CTSB: variants seen among roughly 807,000 people sequenced by gnomAD.
CTSB encodes APP secretase.
In CTSB, 57 loss-of-function variants were observed where a neutral mutation model predicts 44.3. The observed-to-expected ratio is 1.29, with a 90% CI of 1.04 to 1.60. The LOEUF (loss-of-function observed/expected upper bound fraction) is 1.60. Ranked by LOEUF, CTSB falls within the 40% of genes most tolerant of loss-of-function variation. The pLI, the probability that CTSB is intolerant of heterozygous loss-of-function variation, is 0.00. For missense variants in CTSB, 768 were observed against 443.0 expected (o/e 1.73, Z -6.59); for synonymous variants, 320 against 168.0 (o/e 1.91, Z -7.00).
At position 11,845,237 on chromosome 8, in the gene CTSB, TA is replaced by T; in HGVS notation, c.923-16del. 1.3e-6 allele frequency: 2 copies of T among 1,587,356 alleles called. No individual in the cohort carries two copies. Among genetic ancestry groups the T allele is most frequent in the Non-Finnish European group, 8.7e-7 (1 of 1,155,942 alleles). ...TTTAAAGAAGCCTGGGAATAAAAAG[TA>T]AGGTGCTTTTAAAGTGTGACAAGGG... On this transcript the variant is annotated splice_polypyrimidine_tract_variant and intron_variant, in intron 9 of 9. Coordinates refer to ENST00000353047, the MANE Select transcript of CTSB (RefSeq NM_001908.5).
chr8:11,853,703 A>G, intron 1 of CTSB: 1 of 484,280 alleles, frequency 2.1e-6, no homozygotes, highest in Non-Finnish European at 3.7e-6. Flanking sequence ...GAGCCCAGAG[A>G]GAGAGCCAAG....
chr8:11,847,539 G>C (rs368238910), intron 7 of CTSB, 140 bp downstream of exon 7: 7 of 910,974 alleles, frequency 7.7e-6, no homozygotes, highest in African/African-American at 3.4e-5. Context: ...CCTGGCAAGA[G>C]GGCATCACTC....
chr8:11,849,459 A>T (rs1425095833), intron 4 of CTSB: 7 of 211,740 alleles, frequency 3.3e-5, no homozygotes, highest in Non-Finnish European at 7.0e-5. Context: ...TCCTGCCTCA[A>T]CGATTTGCCC....
Position 11,846,889 on chromosome 8 carries a change from G to A in CTSB, c.793+163C>T, listed in dbSNP as rs1813468383. On this transcript the variant is annotated intron_variant, in intron 8 of 9. Coordinates refer to ENST00000353047, the MANE Select transcript of CTSB (RefSeq NM_001908.5). ...ACAAAGACAGTCAGGTGCCAGGCTG[G>A]TCCACAGAGGAGTGAGCCTATATGG... Among the ~76,000 whole-genome samples, 2 of 152,058 alleles carry A rather than the reference G, an allele frequency of 1.3e-5. 1 individual carries two copies.
chr8:11,842,935 C>A lies in CTSB; in HGVS notation c.*2190G>T, dbSNP rs1358355825. ...TACAGGCTTGAGCCACTGCGCCCGG[C>A]CTTTTTTTTTTTTTTTTTTTTTTTA... is the stretch of plus-strand genomic sequence containing the variant. On this transcript the variant is annotated 3_prime_UTR_variant, in exon 10 of 10. Coordinates refer to ENST00000353047, the MANE Select transcript of CTSB (RefSeq NM_001908.5). The A allele has an allele frequency of 1.1e-5, 1 of 87,982 alleles. No individual in the cohort carries two copies. Among genetic ancestry groups the A allele is most frequent in the African/African-American group, 5.4e-5 (1 of 18,684 alleles). 5.5% of individuals were successfully genotyped at this position (87,982 alleles called of 1,614,324 possible). A position where few individuals can be genotyped will look rare whatever the true frequency, so the allele number is the denominator to read the frequency against.
intron 1 of CTSB, among the ~76,000 whole-genome samples, chr8:11,860,610 G>A (rs1173138655): frequency 6.6e-6 from 1 of 152,092 alleles, no homozygotes; most frequent in Non-Finnish European, 1.5e-5. Context: ...GGCAACAAGA[G>A]GGAAACTCCG....
intron 4 of CTSB, among the ~76,000 whole-genome samples, chr8:11,849,740 C>G: frequency 2.0e-5 from 3 of 151,976 alleles, no homozygotes; most frequent in Non-Finnish European, 4.4e-5. Flanking sequence ...GCCACCAGGC[C>G]CAGCTAAGTT....
chr8:11,865,741 G>A (rs1381764182), intron 1 of CTSB, among the ~76,000 whole-genome samples: 1 of 151,502 alleles, frequency 6.6e-6, no homozygotes, highest in Non-Finnish European at 1.5e-5. Flanking sequence ...ACCGCGCGGT[G>A]GCTCATGCCT....
intron 3 of CTSB, 76 bp downstream of exon 3, chr8:11,852,534 C>T (rs1814776097): frequency 8.1e-7 from 1 of 1,232,756 alleles, no homozygotes; most frequent in South Asian, 1.3e-5. Flanking sequence ...GAGAGGCCTT[C>T]ACTCTCCCAC....
intron 8 of CTSB, 98 bp downstream of exon 8, chr8:11,846,954 C>G (rs1735575903): frequency 6.9e-6 from 5 of 723,946 alleles, no homozygotes; most frequent in Middle Eastern, 2.7e-4. Flanking sequence ...CCTCACCTGC[C>G]TGCCCAATCC....
At chr8:11,854,110 T>C (rs78580271) in intron 1 of CTSB, among the ~76,000 whole-genome samples, 1 of 152,320 alleles carries the variant, frequency 6.6e-6, no homozygotes, top group East Asian at 1.9e-4. Flanking sequence ...CGTTTGATCT[T>C]GCACTGGCTC....
At chr8:11,847,619 G>A in intron 7 of CTSB, 60 bp downstream of exon 7, 7 of 1,486,674 alleles carry the variant, frequency 4.7e-6, no homozygotes, top group Non-Finnish European at 6.3e-6. Flanking sequence ...GCAGCGTGAG[G>A]AGGGATGCAG....
At position 11,847,112 on chromosome 8, in the gene CTSB, T is replaced by G; in HGVS notation, c.733A>C (p.Lys245Gln). ...SEKDIMAEIY[K>Q]NGPVEGAFSV... Reference sequence around the variant, plus strand: ...AAAGCTCCCTCCACGGGGCCGTTTTTGTAGATCTCGGCCATGATGTCCTTC... The same window carrying G: ...AAAGCTCCCTCCACGGGGCCGTTTTGGTAGATCTCGGCCATGATGTCCTTC... The change falls in exon 8 of 10, where the codon AAA becomes CAA. Residue 245 changes from lysine to glutamine, a missense_variant. Coordinates refer to ENST00000353047, the MANE Select transcript of CTSB (RefSeq NM_001908.5). 1 of 1,613,990 alleles carries G rather than the reference T, an allele frequency of 6.2e-7. No homozygotes were observed. Among genetic ancestry groups the G allele is most frequent in the Non-Finnish European group, 8.5e-7 (1 of 1,179,854 alleles).
chr8:11,853,634 C>A, intron 1 of CTSB, 155 bp from the exon 2 acceptor site: 2 of 716,944 alleles, frequency 2.8e-6, no homozygotes, highest in Non-Finnish European at 4.3e-6. Context: ...ATGGGATCCC[C>A]GCCCCCCTGC....
intron 8 of CTSB, chr8:11,846,505 CAG>C (rs1813371013): frequency 6.6e-6 from 1 of 152,576 alleles, no homozygotes; most frequent in South Asian, 2.1e-4. Flanking sequence ...ATTTCTAAGA[CAG>C]GACTTGGGGA....
At chr8:11,853,749 G>A in intron 1 of CTSB, 1 of 342,540 alleles carries the variant, frequency 2.9e-6, no homozygotes, top group South Asian at 5.9e-5. Context: ...CAGGGCCTTC[G>A]CTGCTATTTT....
chr8:11,849,133 C>T lies in CTSB; in HGVS notation c.359G>A (p.Arg120Gln), dbSNP rs770495766. 7 of 1,613,174 alleles carry T rather than the reference C, an allele frequency of 4.3e-6. No individual in the cohort carries two copies. Among genetic ancestry groups the T allele is most frequent in the Admixed American group, 1.7e-5 (1 of 60,016 alleles). ...AFGAVEAISD[R>Q]ICIHTNAHVS... ...GTGCGCATTGGTGTGGATGCAGATC[C>T]GGTCAGAGATGGCTTCCACAGCCCC... Residue 120 changes from arginine to glutamine, a missense_variant, in exon 5 of 10, where the codon CGG (arginine) becomes CAG (glutamine). By Grantham distance (43) the Arg-to-Gln change is conservative (BLOSUM62 1). Coordinates refer to ENST00000353047, the MANE Select transcript of CTSB (RefSeq NM_001908.5).
chr8:11,852,554 C>A, intron 3 of CTSB, 56 bp downstream of exon 3: 6 of 1,475,250 alleles, frequency 4.1e-6, no homozygotes, highest in Middle Eastern at 1.7e-4. Flanking sequence ...CTTCCCACTG[C>A]CCCAAACCAA....
At position 11,844,413 on chromosome 8, in the gene CTSB, CCTAAA is replaced by C. The variant is rs747937459; in HGVS notation, c.*707_*711del. On this transcript the variant is annotated 3_prime_UTR_variant, in exon 10 of 10. Transcript: ENST00000353047. ...TCAAAAACAGTAAAAGCTGGTTTCT[CCTAAA>C]CTATTTTCCTTGTGGTAGTAGAGAT... 2 of 152,292 alleles carry C rather than the reference CCTAAA, an allele frequency of 1.3e-5. No individual in the cohort carries two copies. Among genetic ancestry groups the C allele is most frequent in the East Asian group, 1.9e-4 (1 of 5,190 alleles). The allele number at this position is 152,292 out of a possible 1,614,324, so 9.4% of individuals were successfully genotyped here.
Sources: allele counts gnomAD v4.1 joint callset (sites outside exome capture counted in the v4.1 genomes callset), GRCh38; gene constraint gnomAD v4.1.1; transcripts MANE v1.5; gene names NCBI Gene and HGNC (gene_info 2026-07-23, HGNC 2026-07-21).